ADGRA3: variants seen among roughly 807,000 people sequenced by gnomAD.
ADGRA3 encodes adhesion G protein-coupled receptor A3, also known as G-protein coupled receptor 125.
A neutral mutation model predicts 119.8 loss-of-function variants in ADGRA3; 56 were observed. The observed-to-expected ratio is 0.47, with a 90% confidence interval of 0.38 to 0.58. ADGRA3 has a LOEUF of 0.58. Ranked by LOEUF, ADGRA3 falls within the 20% of genes least tolerant of loss-of-function variation. The probability of loss-of-function intolerance (pLI) is 0.00; values close to 1 mark genes in which losing one functional copy is unlikely to be tolerated. For missense variants in ADGRA3, 1,516 were observed against 1,649.0 expected (o/e 0.92, Z 1.40); for synonymous variants, 607 against 623.8 (o/e 0.97, Z 0.40).
chr4:22,443,200 A>G (rs2109074226), intron 6 of ADGRA3: 1 of 604,586 alleles, frequency 1.7e-6, no homozygotes, highest in Admixed American at 3.4e-5. Context: ...TGATATTTAC[A>G]ACTTTAAAAT....
chr4:22,408,042 T>A (rs978790421), intron 14 of ADGRA3, among the ~76,000 whole-genome samples: 2 of 151,938 alleles, frequency 1.3e-5, no homozygotes, highest in African/African-American at 2.4e-5. Flanking sequence ...AAAACAAAAA[T>A]GTTAAAAGAC....
chr4:22,417,818 G>T (rs2109029881), intron 12 of ADGRA3, among the ~76,000 whole-genome samples: 1 of 152,228 alleles, frequency 6.6e-6, no homozygotes, highest in African/African-American at 2.4e-5. Context: ...ACCAAGCAGG[G>T]ATGGACTGGA....
chr4:22,440,198 CT>C (rs879880787), intron 7 of ADGRA3, among the ~76,000 whole-genome samples: 37 of 152,138 alleles, frequency 2.4e-4, no homozygotes, highest in Non-Finnish European at 5.0e-4. Context: ...TTTCTTACTA[CT>C]TTTTTCCCCT....
intron 10 of ADGRA3, among the ~76,000 whole-genome samples, chr4:22,430,417 G>A (rs996916520): frequency 6.6e-6 from 1 of 152,108 alleles, no homozygotes; most frequent in Non-Finnish European, 1.5e-5. Context: ...TGAGGAACTT[G>A]GGAACTAGAG....
intron 5 of ADGRA3, among the ~76,000 whole-genome samples, chr4:22,445,883 T>C (rs777853968): frequency 1.3e-5 from 2 of 152,212 alleles, no homozygotes; most frequent in Admixed American, 6.5e-5. Context: ...AAAGCTGAGA[T>C]ATAAGCACAA....
chr4:22,436,734 GTGTCA>G, intron 8 of ADGRA3, 93 bp from the exon 9 acceptor site: 1 of 1,094,374 alleles, frequency 9.1e-7, no homozygotes. Flanking sequence ...AGATGAAGAT[GTGTCA>G]TGTCAATACA....
chr4:22,406,904 C>T (rs1577328278), intron 14 of ADGRA3, among the ~76,000 whole-genome samples: 1 of 151,768 alleles, frequency 6.6e-6, no homozygotes, highest in African/African-American at 2.4e-5. Flanking sequence ...AGCTTTCCCA[C>T]CTTAAAAAAA....
intron 7 of ADGRA3, among the ~76,000 whole-genome samples, chr4:22,440,294 C>T (rs535013650): frequency 6.6e-6 from 1 of 152,144 alleles, no homozygotes; most frequent in East Asian, 1.9e-4. Flanking sequence ...ATAACATTTC[C>T]AGGAATCCTC....
chr4:22,491,067 C>T (rs1008292757), intron 1 of ADGRA3, among the ~76,000 whole-genome samples: 1 of 152,150 alleles, frequency 6.6e-6, no homozygotes, highest in African/African-American at 2.4e-5. Context: ...GGGTGTCCAG[C>T]TGAAAACATC....
Position 22,436,502 on chromosome 4 carries a change from C to T in ADGRA3, c.1225G>A (p.Asp409Asn), listed in dbSNP as rs1716399142. The T allele has an allele frequency of 2.5e-6, 4 of 1,613,042 alleles. No homozygotes were observed. The highest frequency in any genetic ancestry group is 2.2e-5 in the South Asian group (2 of 91,032). Residue 409 changes from aspartate (D) to asparagine (N), a missense_variant, in exon 9 of 19, where the codon GAT becomes AAT. By Grantham distance (23) the Asp-to-Asn change is conservative. Coordinates refer to ENST00000334304, the MANE Select transcript of ADGRA3 (RefSeq NM_145290.4). ...GCATACTGACAGCGAGAATAATCAT[C>T]ATCTGCCCAAAAGCCACCTCTATCA... ...RCDRGGFWAD[D>N]DYSRCQYAND...
At chr4:22,457,919 T>C (rs1001674236) in intron 3 of ADGRA3, among the ~76,000 whole-genome samples, 2 of 152,112 alleles carry the variant, frequency 1.3e-5, no homozygotes, top group Non-Finnish European at 2.9e-5. Context: ...TCAAACTATA[T>C]CTCAGCATAG....
intron 1 of ADGRA3, among the ~76,000 whole-genome samples, chr4:22,485,419 C>T (rs548494766): frequency 2.6e-4 from 40 of 152,218 alleles, no homozygotes; most frequent in African/African-American, 9.4e-4. Flanking sequence ...CTTTGCTCAA[C>T]CTTTCCCATT....
intron 1 of ADGRA3, among the ~76,000 whole-genome samples, chr4:22,475,613 G>A (rs1718012884): frequency 6.6e-6 from 1 of 152,064 alleles, no homozygotes; most frequent in Non-Finnish European, 1.5e-5. Flanking sequence ...TATATTCCCA[G>A]CTACTCGGGA....
intron 3 of ADGRA3, among the ~76,000 whole-genome samples, chr4:22,461,237 C>T (rs1174306459): frequency 1.3e-5 from 2 of 152,246 alleles, no homozygotes; most frequent in Non-Finnish European, 2.9e-5. Context: ...ACACAGCCAT[C>T]CACCACCAAA....
chr4:22,491,186 T>C (rs970630397), intron 1 of ADGRA3, among the ~76,000 whole-genome samples: 1 of 152,190 alleles, frequency 6.6e-6, no homozygotes, highest in South Asian at 2.1e-4. Context: ...ATGGTAAACT[T>C]TGTTTAAATG....
chr4:22,485,714 A>G (rs985866716), intron 1 of ADGRA3, among the ~76,000 whole-genome samples: 3 of 152,194 alleles, frequency 2.0e-5, no homozygotes, highest in African/African-American at 7.2e-5. Flanking sequence ...CAGAAACCTC[A>G]TATCCGTGGA....
Position 22,388,736 on chromosome 4 carries a change from A to C in ADGRA3, c.2935T>G (p.Ser979Ala), listed in dbSNP as rs1713963186. The C allele has an allele frequency of 6.2e-7, 1 of 1,613,980 alleles. No homozygotes were observed. Among genetic ancestry groups the C allele is most frequent in the Admixed American group, 1.7e-5 (1 of 59,996 alleles). Residue 979 changes from serine (S) to alanine (A), a missense_variant, in exon 19 of 19, where the codon TCT becomes GCT. Around this residue, in one of 2 missense-constraint regions of ADGRA3, gnomAD observed 1,088 missense variants for 1,107.1 expected, o/e 0.98. Transcript: ENST00000334304. Reference sequence around the variant, plus strand: ...TCCAAGGCTGATGTAGAAATCAGAGACAAAGACATTGAATCCTGATGATTT... The same window carrying C: ...TCCAAGGCTGATGTAGAAATCAGAGCCAAAGACATTGAATCCTGATGATTT... ...EINHQDSMSL[S>A]LISTSALENE...
chr4:22,510,322 G>C (rs995593908), intron 1 of ADGRA3, among the ~76,000 whole-genome samples: 1 of 152,136 alleles, frequency 6.6e-6, no homozygotes, highest in Non-Finnish European at 1.5e-5. Context: ...ATCAAATCCA[G>C]TGCTGTTTAT....
intron 17 of ADGRA3, among the ~76,000 whole-genome samples, chr4:22,389,505 T>C (rs1217831178): frequency 1.3e-5 from 2 of 151,970 alleles, no homozygotes; most frequent in African/African-American, 4.8e-5. Context: ...CTCTTACTTT[T>C]TTTTTTTTTT....
Sources: allele counts gnomAD v4.1 joint callset (sites outside exome capture counted in the v4.1 genomes callset), GRCh38; gene constraint gnomAD v4.1.1; regional missense constraint gnomAD v4.1.1; transcripts MANE v1.5; gene names NCBI Gene and HGNC (gene_info 2026-07-23, HGNC 2026-07-21).